The following DOP1B variants were observed in gnomAD, a reference collection of about 807,000 sequenced individuals.
DOP1B encodes the protein protein DOP1B.
A neutral mutation model predicts 233.5 loss-of-function variants in DOP1B; 174 were observed. The observed-to-expected ratio is 0.75, with a 90% CI of 0.66 to 0.85. The LOEUF (loss-of-function observed/expected upper bound fraction) is 0.85, where lower values mean the gene tolerates loss of function less well. Among genes scored for constraint, DOP1B ranks in the 40% least tolerant of loss-of-function variants. The probability of loss-of-function intolerance (pLI) is 0.00; values close to 1 mark genes in which losing one functional copy is unlikely to be tolerated. For synonymous variants in DOP1B, 1,190 were observed against 1,185.6 expected (o/e 1.00, Z -0.08); for missense variants, 2,652 against 2,846.6 (o/e 0.93, Z 1.56).
At chr21:36,279,834 CTATT>C (rs1298245570) in intron 30 of DOP1B, among the ~76,000 whole-genome samples, 2 of 152,126 alleles carry the variant, frequency 1.3e-5, no homozygotes. Context: ...TATATGTAAA[CTATT>C]TATTTCTATC....
intron 2 of DOP1B, among the ~76,000 whole-genome samples, chr21:36,190,121 C>G (rs1032652382): frequency 6.6e-6 from 1 of 151,782 alleles, no homozygotes; most frequent in East Asian, 1.9e-4. Flanking sequence ...AATTCGAGAC[C>G]AGCCTGGCCA....
chr21:36,174,344 C>T (rs767552552), intron 2 of DOP1B, among the ~76,000 whole-genome samples: 8 of 152,060 alleles, frequency 5.3e-5, no homozygotes, highest in Non-Finnish European at 1.2e-4. Flanking sequence ...AAAAATTAGC[C>T]GGGCGTGATG....
chr21:36,205,529 C>T (rs1686624472), intron 4 of DOP1B, among the ~76,000 whole-genome samples: 1 of 152,000 alleles, frequency 6.6e-6, no homozygotes, highest in Non-Finnish European at 1.5e-5. Context: ...GCTGGGATTA[C>T]AGGTGCGAAC....
Position 36,292,203 on chromosome 21 carries a change from G to A in DOP1B, c.6615G>A (p.Arg2205=), listed in dbSNP as rs9978057. The A allele has an allele frequency of 0.26, 422,780 of 1,603,230 alleles. 57,958 individuals are homozygous for A. The highest frequency in any genetic ancestry group is 0.31 in the Middle Eastern group (1,869 of 6,020). The change falls in exon 36 of 37, where the codon AGG becomes AGA. Residue 2205 remains arginine (R), a synonymous_variant. Transcript: ENST00000691173. ...AAGAATGCAAACCCCACACTGTCAG[G>A]ATTCTAGAACTTCTAAAATTAAAGT... ...NHQECKPHTV[R]ILELLKLKFG...
chr21:36,293,003 T>C (rs2067576813), intron 36 of DOP1B, among the ~76,000 whole-genome samples: 1 of 151,922 alleles, frequency 6.6e-6, no homozygotes, highest in Non-Finnish European at 1.5e-5. Flanking sequence ...GGTCAGGAGT[T>C]CAAGACCAAC....
intron 10 of DOP1B, among the ~76,000 whole-genome samples, chr21:36,219,984 G>A (rs2123514704): frequency 6.6e-6 from 1 of 152,090 alleles, no homozygotes; most frequent in Admixed American, 6.6e-5. Flanking sequence ...GAGAGCACAG[G>A]CTCCATTCCC....
chr21:36,221,550 T>C (rs902580448), intron 10 of DOP1B, among the ~76,000 whole-genome samples: 2 of 152,048 alleles, frequency 1.3e-5, no homozygotes, highest in African/African-American at 4.8e-5. Context: ...TGATTGACTT[T>C]TAGACAGTTT....
chr21:36,247,742 T>A lies in DOP1B; in HGVS notation c.4809+114T>A, dbSNP rs888746004. 5 of 695,184 alleles carry A rather than the reference T, an allele frequency of 7.2e-6. No homozygotes were observed. The Admixed American group carries it at 1.0e-4, about 14-fold the overall frequency. The allele number at this position is 695,184 out of a possible 1,614,324, so 43.1% of individuals were successfully genotyped here. A position where few individuals can be genotyped will look rare whatever the true frequency, so the allele number is the denominator to read the frequency against. ...ATGTAATGTCTGTAACTAATATGCG[T>A]ATGGAGGTGATGCAAATGTGAATGC... On this transcript the variant is annotated intron_variant, in intron 20 of 36. Coordinates refer to ENST00000691173, the MANE Select transcript of DOP1B (RefSeq NM_001320714.2).
intron 20 of DOP1B, 87 bp from the exon 21 acceptor site, chr21:36,248,293 C>T (rs1013510820): frequency 2.8e-6 from 4 of 1,431,464 alleles, no homozygotes; most frequent in Non-Finnish European, 2.9e-6. Context: ...ACAGCCCAGA[C>T]CTAATCCCGC....
chr21:36,208,909 G>A lies in DOP1B; in HGVS notation c.681+5G>A, dbSNP rs2066461125. ...GGGACCAATCACCAACTCACGGTGG[G>A]TGCTGTGTTCCTCACAGGGCATGGG... On this transcript the variant is annotated splice_donor_5th_base_variant and intron_variant, in intron 5 of 36. Coordinates refer to ENST00000691173, the MANE Select transcript of DOP1B (RefSeq NM_001320714.2). 1.3e-6 allele frequency: 2 copies of A among 1,515,580 alleles called. No homozygotes were observed. The highest frequency in any genetic ancestry group is 4.2e-5 in the Admixed American group (2 of 47,180). 93.9% of individuals were successfully genotyped at this position (1,515,580 alleles called of 1,614,324 possible).
chr21:36,237,351 C>T lies in DOP1B; in HGVS notation c.2712C>T (p.Cys904=), dbSNP rs1219853793. The change falls in exon 16 of 37, where the codon TGC becomes TGT. Residue 904 remains cysteine, a synonymous_variant. Transcript: ENST00000691173. The stretch of plus-strand genomic sequence containing the variant: ...TAGAATTGTTCTACCGGCTGCACTG[C>T]CTGGCCCCTACGGCCAACATCTGCG... ...TCVELFYRLH[C]LAPTANICED... is the part of the protein sequence containing the mutation. The T allele has an allele frequency of 1.9e-6, 3 of 1,614,106 alleles. No individual in the cohort carries two copies. In the South Asian group the frequency reaches 3.3e-5, roughly 18 times the overall value.
intron 2 of DOP1B, among the ~76,000 whole-genome samples, chr21:36,190,186 A>G (rs1167016499): frequency 6.7e-6 from 1 of 150,278 alleles, no homozygotes; most frequent in Non-Finnish European, 1.5e-5. Context: ...TTAGCCAGGC[A>G]TGGTGGCACA....
intron 9 of DOP1B, among the ~76,000 whole-genome samples, chr21:36,215,125 G>A (rs992792540): frequency 6.6e-6 from 1 of 152,132 alleles, no homozygotes; most frequent in Non-Finnish European, 1.5e-5. Context: ...AGAACATGTG[G>A]TATTTCCTTT....
intron 2 of DOP1B, among the ~76,000 whole-genome samples, chr21:36,165,424 G>A (rs923676625): frequency 1.5e-4 from 23 of 152,032 alleles, no homozygotes; most frequent in Admixed American, 1.0e-3. Flanking sequence ...GTGTGCATAC[G>A]TGTGTGCATG....
chr21:36,164,587 T>C (rs1372099622), intron 1 of DOP1B, 121 bp from the exon 2 acceptor site: 2 of 667,292 alleles, frequency 3.0e-6, no homozygotes, highest in Non-Finnish European at 4.6e-6. Context: ...TTGAACAGGA[T>C]TGCCCAGTGA....
chr21:36,247,707 T>A, intron 20 of DOP1B, 79 bp downstream of exon 20: 1 of 1,036,440 alleles, frequency 9.6e-7, no homozygotes, highest in Non-Finnish European at 1.4e-6. Context: ...TTCAAATAAG[T>A]AACGTATGTA....
intron 21 of DOP1B, among the ~76,000 whole-genome samples, chr21:36,248,826 C>T (rs527799879): frequency 5.8e-4 from 89 of 152,218 alleles, no homozygotes; most frequent in African/African-American, 2.1e-3. Flanking sequence ...AAGTCTTGGC[C>T]GGGCATGGTA....
rs371619671 is a variant in DOP1B, at chr21:36,231,026, G to T, written c.2242G>T (p.Glu748Ter). 116 of 1,614,076 alleles carry T rather than the reference G, an allele frequency of 7.2e-5. No individual in the cohort carries two copies. The highest frequency in any genetic ancestry group is 9.8e-5 in the Non-Finnish European group (116 of 1,180,048). The change falls in exon 14 of 37, where the codon GAG (glutamate) becomes TAG (stop). Residue 748 changes from glutamate to a stop codon, truncating the protein, a stop_gained. Coordinates refer to ENST00000691173, the MANE Select transcript of DOP1B (RefSeq NM_001320714.2). LOFTEE classifies it high-confidence loss of function. The stretch of plus-strand genomic sequence containing the variant: ...GGGGGGTTCCAGGGAGGAACGCAGG[G>T]AGGCCTTTGCCGCCGCCTGCCACCT... ...DLGGSREERR[E>*]AFAAACHLLL...
At chr21:36,275,341 A>G (rs2067338554) in intron 27 of DOP1B, among the ~76,000 whole-genome samples, 1 of 151,952 alleles carries the variant, frequency 6.6e-6, no homozygotes, top group African/African-American at 2.4e-5. Context: ...AAAACAGGAG[A>G]TGAGGCTGGG....
Sources: gnomAD v4.1 joint callset for allele counts (sites outside exome capture counted in the v4.1 genomes callset) on GRCh38, gnomAD v4.1.1 for gene constraint, MANE v1.5 for transcripts, NCBI Gene and HGNC (gene_info 2026-07-23, HGNC 2026-07-21) for gene names.